HS6ST3: variants seen among roughly 807,000 people sequenced by gnomAD.
HS6ST3 encodes the protein heparan-sulfate 6-O-sulfotransferase 3.
A neutral mutation model predicts 36.7 loss-of-function variants in HS6ST3; 12 were observed. The observed-to-expected ratio is 0.33, with a 90% CI of 0.21 to 0.53. The LOEUF (loss-of-function observed/expected upper bound fraction) is 0.53, where lower values mean the gene tolerates loss of function less well. Among genes scored for constraint, HS6ST3 ranks in the 20% least tolerant of loss-of-function variants. HS6ST3 has a pLI of 0.95. For synonymous variants in HS6ST3, 240 were observed against 257.5 expected (o/e 0.93, Z 0.65); for missense variants, 584 against 640.9 (o/e 0.91, Z 0.96).
At chr13:96,464,240 C>A (rs1205200139) in intron 1 of HS6ST3, among the ~76,000 whole-genome samples, 5 of 150,438 alleles carry the variant, frequency 3.3e-5, no homozygotes, top group African/African-American at 9.7e-5. Context: ...TGCTTCCTTA[C>A]CCCCCTACCC....
At chr13:96,192,856 G>C (rs940195629) in intron 1 of HS6ST3, among the ~76,000 whole-genome samples, 15 of 152,112 alleles carry the variant, frequency 9.9e-5, no homozygotes, top group African/African-American at 3.6e-4. Flanking sequence ...TATTAAATTA[G>C]AATGAGTATA....
chr13:96,354,549 T>C (rs1394422038), intron 1 of HS6ST3, among the ~76,000 whole-genome samples: 7 of 152,304 alleles, frequency 4.6e-5, no homozygotes, highest in Admixed American at 2.0e-4. Flanking sequence ...TTTTATGATA[T>C]ATGATATGAA....
intron 1 of HS6ST3, among the ~76,000 whole-genome samples, chr13:96,313,081 A>G (rs570916212): frequency 6.6e-6 from 1 of 152,064 alleles, no homozygotes; most frequent in East Asian, 1.9e-4. Context: ...GTTAGTATAA[A>G]TAGTGGTATC....
chr13:96,439,552 T>C (rs2055659869), intron 1 of HS6ST3, among the ~76,000 whole-genome samples: 1 of 152,212 alleles, frequency 6.6e-6, no homozygotes, highest in Non-Finnish European at 1.5e-5. Flanking sequence ...ATTTCATGGC[T>C]CTGGCACTTA....
chr13:96,544,142 C>T (rs906173037), intron 1 of HS6ST3, among the ~76,000 whole-genome samples: 3 of 152,110 alleles, frequency 2.0e-5, no homozygotes, highest in African/African-American at 4.8e-5. Context: ...ACGATATATT[C>T]TCACTGACAT....
At chr13:96,693,301 T>TC (rs1875024865) in intron 1 of HS6ST3, among the ~76,000 whole-genome samples, 1 of 151,962 alleles carries the variant, frequency 6.6e-6, no homozygotes, top group Non-Finnish European at 1.5e-5. Context: ...TTGGCCAGAT[T>TC]ATTATTATTA....
intron 1 of HS6ST3, among the ~76,000 whole-genome samples, chr13:96,124,926 T>C (rs2053943431): frequency 6.6e-6 from 1 of 152,192 alleles, no homozygotes; most frequent in African/African-American, 2.4e-5. Flanking sequence ...TACCATACTC[T>C]TGGAGGATAT....
chr13:96,745,915 T>G (rs1876549694), intron 1 of HS6ST3, among the ~76,000 whole-genome samples: 1 of 152,198 alleles, frequency 6.6e-6, no homozygotes, highest in African/African-American at 2.4e-5. Flanking sequence ...TTCCCATCGC[T>G]GCAGAAATAC....
At chr13:96,412,061 G>A (rs550261202) in intron 1 of HS6ST3, among the ~76,000 whole-genome samples, 4 of 152,210 alleles carry the variant, frequency 2.6e-5, no homozygotes, top group Non-Finnish European at 4.4e-5. Context: ...CTGCAGTGCA[G>A]TGGTGCGATC....
intron 1 of HS6ST3, among the ~76,000 whole-genome samples, chr13:96,439,160 G>A (rs532808280): frequency 6.6e-6 from 1 of 152,268 alleles, no homozygotes; most frequent in South Asian, 2.1e-4. Context: ...ACATTTTTTA[G>A]TGGAAAGAAC....
At chr13:96,671,876 C>T (rs1442972498) in intron 1 of HS6ST3, among the ~76,000 whole-genome samples, 1 of 152,000 alleles carries the variant, frequency 6.6e-6, no homozygotes, top group Non-Finnish European at 1.5e-5. Flanking sequence ...TTCCTAACAC[C>T]GAGTTATGAT....
chr13:96,809,847 A>G (rs1407050684), intron 1 of HS6ST3, among the ~76,000 whole-genome samples: 1 of 152,180 alleles, frequency 6.6e-6, no homozygotes, highest in East Asian at 1.9e-4. Flanking sequence ...AAAGGTGAAG[A>G]TAATGACACC....
rs1224497481 is a variant in HS6ST3, at chr13:96,601,362, T to A, written c.708-231128T>A. ...TTTTTGTTTGTTTGATTGGGTTAAT[T>A]TGTAAGTTTTGTCTTTATTCTTTCT... On this transcript the variant is annotated intron_variant, in intron 1 of 1. Coordinates refer to ENST00000376705, the MANE Select transcript of HS6ST3 (RefSeq NM_153456.4). 3.9e-5 allele frequency among the ~76,000 whole-genome samples: 6 copies of A among 152,270 alleles called. No individual in the cohort carries two copies. In the East Asian group the frequency reaches 9.6e-4, roughly 24 times the overall value.
chr13:96,831,202 C>T (rs1354397448), intron 1 of HS6ST3, among the ~76,000 whole-genome samples: 1 of 152,224 alleles, frequency 6.6e-6, no homozygotes, highest in Non-Finnish European at 1.5e-5. Context: ...CACAGATGTC[C>T]TGATCTCTAT....
At chr13:96,439,328 A>G (rs2055658580) in intron 1 of HS6ST3, among the ~76,000 whole-genome samples, 1 of 152,214 alleles carries the variant, frequency 6.6e-6, no homozygotes, top group South Asian at 2.1e-4. Flanking sequence ...AAAATGTAAG[A>G]TAGTAATTTT....
intron 1 of HS6ST3, among the ~76,000 whole-genome samples, chr13:96,628,206 G>T (rs994159556): frequency 4.6e-5 from 7 of 151,866 alleles, no homozygotes. Flanking sequence ...TTAATATGCA[G>T]TATTTTAATG....
intron 1 of HS6ST3, among the ~76,000 whole-genome samples, chr13:96,408,506 A>G (rs2055490315): frequency 6.6e-6 from 1 of 152,206 alleles, no homozygotes; most frequent in African/African-American, 2.4e-5. Flanking sequence ...TTGTTGTCGA[A>G]TAGGCAGTGT....
chr13:96,748,604 T>C (rs1042151137), intron 1 of HS6ST3, among the ~76,000 whole-genome samples: 3 of 152,050 alleles, frequency 2.0e-5, no homozygotes, highest in Non-Finnish European at 4.4e-5. Context: ...CTTGTATACT[T>C]TTCCATAAAT....
intron 1 of HS6ST3, among the ~76,000 whole-genome samples, chr13:96,787,770 G>A (rs1042263236): frequency 2.0e-5 from 3 of 151,872 alleles, no homozygotes; most frequent in Admixed American, 2.0e-4. Context: ...TTTTGATAAG[G>A]TCAAATATAT....
Sources: gnomAD v4.1 joint callset for allele counts (sites outside exome capture counted in the v4.1 genomes callset) on GRCh38, gnomAD v4.1.1 for gene constraint, MANE v1.5 for transcripts, NCBI Gene and HGNC (gene_info 2026-07-23, HGNC 2026-07-21) for gene names.